The following DLGAP1 variants were observed in gnomAD, a reference collection of about 807,000 sequenced individuals.
DLGAP1 encodes disks large-associated protein 1.
A neutral mutation model predicts 90.8 loss-of-function variants in DLGAP1; 11 were observed. The observed-to-expected ratio is 0.12, with a 90% CI of 0.08 to 0.20. The LOEUF is 0.20. Among genes scored for constraint, DLGAP1 ranks in the 10% least tolerant of loss-of-function variants. The probability of loss-of-function intolerance (pLI) is 1.00; values close to 1 mark genes in which losing one functional copy is unlikely to be tolerated. For synonymous variants in DLGAP1, 558 were observed against 540.7 expected (o/e 1.03, Z -0.44); for missense variants, 1,050 against 1,333.8 (o/e 0.79, Z 3.31).
chr18:3,860,865 T>C (rs1038690935), intron 4 of DLGAP1, among the ~76,000 whole-genome samples: 5 of 152,232 alleles, frequency 3.3e-5, no homozygotes, highest in South Asian at 4.1e-4. Context: ...TATACTCCCA[T>C]AGAAATACTT....
At chr18:3,841,971 G>C (rs976319327) in intron 4 of DLGAP1, among the ~76,000 whole-genome samples, 17 of 152,136 alleles carry the variant, frequency 1.1e-4, no homozygotes, top group African/African-American at 4.1e-4. Context: ...ATAAGGAAAT[G>C]ATGGGTGCTA....
chr18:3,508,096 TC>T (rs1234783250), intron 11 of DLGAP1, among the ~76,000 whole-genome samples: 1 of 152,012 alleles, frequency 6.6e-6, no homozygotes, highest in African/African-American at 2.4e-5. Flanking sequence ...TTCAAGAAGA[TC>T]AAATCTACAC....
At chr18:4,087,223 T>C (rs1294057016) in intron 2 of DLGAP1, among the ~76,000 whole-genome samples, 7 of 151,708 alleles carry the variant, frequency 4.6e-5, no homozygotes, top group Non-Finnish European at 1.0e-4. Context: ...GTTATATATA[T>C]GTTGGGAACA....
chr18:3,608,331 A>C (rs1054500525), intron 7 of DLGAP1: 1 of 129,210 alleles, frequency 7.7e-6, no homozygotes, highest in African/African-American at 2.8e-5. Context: ...CTCAAAAAAA[A>C]AAAAAGATGA....
At chr18:3,691,409 A>G (rs2060892487) in intron 7 of DLGAP1, among the ~76,000 whole-genome samples, 1 of 148,964 alleles carries the variant, frequency 6.7e-6, no homozygotes, top group African/African-American at 2.6e-5. Flanking sequence ...CCTGGGCGAT[A>G]GAGCAAGACT....
intron 5 of DLGAP1, among the ~76,000 whole-genome samples, chr18:3,760,372 C>T (rs1038240317): frequency 6.6e-6 from 1 of 152,118 alleles, no homozygotes; most frequent in African/African-American, 2.4e-5. Flanking sequence ...AGGCAAGTGG[C>T]GACACCTTTT....
At chr18:3,568,932 C>T (rs996603668) in intron 8 of DLGAP1, among the ~76,000 whole-genome samples, 40 of 150,948 alleles carry the variant, frequency 2.6e-4, no homozygotes, top group African/African-American at 7.8e-4. Flanking sequence ...GTGATCCGCC[C>T]GCCTCGGCCT....
intron 1 of DLGAP1, among the ~76,000 whole-genome samples, chr18:4,220,701 G>T (rs1178346315): frequency 6.6e-6 from 1 of 151,884 alleles, no homozygotes; most frequent in Non-Finnish European, 1.5e-5. Flanking sequence ...TCATATATAT[G>T]GAAATTCCAT....
intron 5 of DLGAP1, among the ~76,000 whole-genome samples, chr18:3,760,447 A>C (rs746391864): frequency 1.3e-5 from 2 of 152,162 alleles, no homozygotes; most frequent in Non-Finnish European, 2.9e-5. Flanking sequence ...GCAGTAAGGA[A>C]ATAATCTATC....
At chr18:4,309,281 T>C (rs888445422) in intron 1 of DLGAP1, among the ~76,000 whole-genome samples, 3 of 152,046 alleles carry the variant, frequency 2.0e-5, no homozygotes, top group African/African-American at 7.3e-5. Flanking sequence ...CTTGGGGAAA[T>C]GGAAAGAGCG....
intron 1 of DLGAP1, among the ~76,000 whole-genome samples, chr18:4,166,491 G>A (rs1307081125): frequency 6.6e-6 from 1 of 152,158 alleles, no homozygotes; most frequent in Non-Finnish European, 1.5e-5. Context: ...CATGGGAGAC[G>A]AAGGTCGTTC....
chr18:4,315,876 C>T (rs772113718), intron 1 of DLGAP1, among the ~76,000 whole-genome samples: 11 of 152,122 alleles, frequency 7.2e-5, no homozygotes, highest in Non-Finnish European at 1.2e-4. Flanking sequence ...TCAAAAAATA[C>T]TGATTGAATG....
chr18:4,380,996 A>G (rs944293499), intron 1 of DLGAP1, among the ~76,000 whole-genome samples: 2 of 152,188 alleles, frequency 1.3e-5, no homozygotes, highest in Non-Finnish European at 2.9e-5. Context: ...GCTTTAGCTG[A>G]CAATCAAGAA....
At chr18:4,353,993 A>G (rs1286240784) in intron 1 of DLGAP1, among the ~76,000 whole-genome samples, 1 of 151,998 alleles carries the variant, frequency 6.6e-6, no homozygotes, top group African/African-American at 2.4e-5. Flanking sequence ...GATGAATGAG[A>G]CTTTCAGACT....
intron 2 of DLGAP1, among the ~76,000 whole-genome samples, chr18:4,104,587 G>A (rs1156296611): frequency 2.6e-5 from 4 of 151,858 alleles, no homozygotes; most frequent in Admixed American, 6.6e-5. Flanking sequence ...CATTTTGATC[G>A]TTTCTGGCTT....
intron 7 of DLGAP1, among the ~76,000 whole-genome samples, chr18:3,588,335 T>G (rs1490451781): frequency 1.3e-5 from 2 of 152,046 alleles, no homozygotes. Flanking sequence ...AGCACATGCA[T>G]CTAACCCCAG....
chr18:4,221,068 C>A (rs965882079), intron 1 of DLGAP1, among the ~76,000 whole-genome samples: 1 of 152,058 alleles, frequency 6.6e-6, no homozygotes, highest in Admixed American at 6.6e-5. Context: ...GTAGTCTCTA[C>A]CATCTAGGTT....
intron 2 of DLGAP1, among the ~76,000 whole-genome samples, chr18:4,135,303 T>C (rs1033422074): frequency 3.3e-5 from 5 of 151,998 alleles, no homozygotes; most frequent in African/African-American, 1.2e-4. Flanking sequence ...GTTTTTGTGT[T>C]GTTTTGGAAA....
intron 1 of DLGAP1, among the ~76,000 whole-genome samples, chr18:4,367,233 G>A (rs2081795758): frequency 6.6e-6 from 1 of 151,346 alleles, no homozygotes; most frequent in South Asian, 2.1e-4. Context: ...AAAAGAACTT[G>A]CGTAGTATAA....
Sources: allele counts gnomAD v4.1 joint callset (sites outside exome capture counted in the v4.1 genomes callset), GRCh38; gene constraint gnomAD v4.1.1; transcripts MANE v1.5; gene names NCBI Gene and HGNC (gene_info 2026-07-23, HGNC 2026-07-21).